SGMS1: variants seen among roughly 807,000 people sequenced by gnomAD.
SGMS1 encodes the protein phosphatidylcholine:ceramide cholinephosphotransferase 1.
SGMS1 carries 13 observed loss-of-function variants against 46.2 expected under a neutral mutation model. The ratio of observed to expected loss-of-function variants is 0.28; its 90% CI spans 0.18 to 0.45. SGMS1 has a LOEUF of 0.45. Among genes scored for constraint, SGMS1 ranks in the 20% least tolerant of loss-of-function variants. The pLI is 1.00. For missense variants in SGMS1, 324 were observed against 519.9 expected (o/e 0.62, Z 3.66); for synonymous variants, 203 against 187.8 (o/e 1.08, Z -0.66).
At chr10:50,323,752 T>G (rs551198800) in intron 8 of SGMS1, among the ~76,000 whole-genome samples, 10 of 152,198 alleles carry the variant, frequency 6.6e-5, no homozygotes, top group African/African-American at 9.7e-5. Flanking sequence ...CTTTCCCTAT[T>G]CTCATTCCCT....
At chr10:50,346,774 C>G (rs1402787720) in intron 6 of SGMS1, among the ~76,000 whole-genome samples, 1 of 152,038 alleles carries the variant, frequency 6.6e-6, no homozygotes, top group African/African-American at 2.4e-5. Flanking sequence ...AATCATGGCT[C>G]ACTGCAATCT....
chr10:50,605,194 T>C (rs757570839), intron 1 of SGMS1, among the ~76,000 whole-genome samples: 42 of 152,198 alleles, frequency 2.8e-4, no homozygotes, highest in Non-Finnish European at 5.4e-4. Context: ...ATATTCTCCA[T>C]TGGGCCTCCC....
chr10:50,500,102 A>C (rs7079881), intron 3 of SGMS1, among the ~76,000 whole-genome samples: 53,366 of 152,082 alleles, frequency 0.35, 9,526 homozygotes, highest in Admixed American at 0.42. Context: ...CGGGAGGTGG[A>C]GGTTGCAGTG....
At chr10:50,463,375 T>G (rs1258751882) in intron 4 of SGMS1, among the ~76,000 whole-genome samples, 1 of 152,192 alleles carries the variant, frequency 6.6e-6, no homozygotes, top group Non-Finnish European at 1.5e-5. Context: ...TGGACATTTC[T>G]CCAAAGAAGA....
At chr10:50,407,712 T>C (rs1849036312) in intron 6 of SGMS1, among the ~76,000 whole-genome samples, 1 of 151,020 alleles carries the variant, frequency 6.6e-6, no homozygotes, top group Admixed American at 6.6e-5. Flanking sequence ...ATGCTAAAGA[T>C]TCACTGTGTC....
At chr10:50,537,748 C>T (rs565965815) in intron 2 of SGMS1, among the ~76,000 whole-genome samples, 12 of 152,000 alleles carry the variant, frequency 7.9e-5, no homozygotes, top group Admixed American at 2.0e-4. Flanking sequence ...GGAACAGTAG[C>T]TGCTTAGGAT....
chr10:50,459,413 T>G (rs1837236441), intron 5 of SGMS1, among the ~76,000 whole-genome samples: 1 of 151,476 alleles, frequency 6.6e-6, no homozygotes, highest in Non-Finnish European at 1.5e-5. Context: ...GAATAAGAAT[T>G]TTTTTTTTAG....
intron 6 of SGMS1, among the ~76,000 whole-genome samples, chr10:50,380,540 T>C (rs1247747558): frequency 6.6e-6 from 1 of 152,060 alleles, no homozygotes; most frequent in Non-Finnish European, 1.5e-5. Context: ...TTCCCCCAGG[T>C]CCTCAAGTTC....
chr10:50,574,961 GTGTATATATATA>G (rs1180779524), intron 2 of SGMS1, among the ~76,000 whole-genome samples: 2 of 45,294 alleles, frequency 4.4e-5, no homozygotes, highest in Non-Finnish European at 8.8e-5. Flanking sequence ...GGAAAATGTG[GTGTATATATATA>G]TATATATATA....
At chr10:50,482,396 C>A (rs1231077939) in intron 3 of SGMS1, among the ~76,000 whole-genome samples, 1 of 152,082 alleles carries the variant, frequency 6.6e-6, no homozygotes, top group Non-Finnish European at 1.5e-5. Context: ...AATTTCCAAC[C>A]CAGAATTTCA....
At chr10:50,395,688 T>C (rs1419400854) in intron 6 of SGMS1, among the ~76,000 whole-genome samples, 1 of 152,156 alleles carries the variant, frequency 6.6e-6, no homozygotes, top group Non-Finnish European at 1.5e-5. Flanking sequence ...AAATTAGAGG[T>C]GGTTGAGACA....
chr10:50,532,387 T>C (rs941384272), intron 2 of SGMS1, among the ~76,000 whole-genome samples: 2 of 152,114 alleles, frequency 1.3e-5, no homozygotes, highest in Non-Finnish European at 2.9e-5. Flanking sequence ...TAAATAATTA[T>C]CTTACTTGTT....
At chr10:50,570,731 T>C (rs1280727453) in intron 2 of SGMS1, among the ~76,000 whole-genome samples, 1 of 152,138 alleles carries the variant, frequency 6.6e-6, no homozygotes, top group Non-Finnish European at 1.5e-5. Context: ...GCCCAGGACT[T>C]TGAGACCAGC....
At chr10:50,491,862 C>A (rs1411079183) in intron 3 of SGMS1, among the ~76,000 whole-genome samples, 1 of 151,938 alleles carries the variant, frequency 6.6e-6, no homozygotes, top group Non-Finnish European at 1.5e-5. Flanking sequence ...AGAGATAAAA[C>A]AAAAAAGAAA....
At chr10:50,494,391 G>T (rs939487216) in intron 3 of SGMS1, among the ~76,000 whole-genome samples, 3 of 152,216 alleles carry the variant, frequency 2.0e-5, no homozygotes, top group Non-Finnish European at 4.4e-5. Flanking sequence ...ATGCCCATCA[G>T]TGGTAGACTG....
rs67951872 is a variant in SGMS1, at chr10:50,365,255, C to CAAAAAAAAAAAAAAAAAAAAAAAAAAAA, written c.-231-20911_-231-20910insTTTTTTTTTTTTTTTTTTTTTTTTTTTT. On this transcript the variant is annotated intron_variant, in intron 6 of 10. Coordinates refer to ENST00000361781, the MANE Select transcript of SGMS1 (RefSeq NM_147156.4). ...GCGACGGAGTGAGACTCCATCTCAC[C>CAAAAAAAAAAAAAAAAAAAAAAAAAAAA]AAAAAAAAAAAAAAAAAAAAAAAGC... Among the ~76,000 whole-genome samples, 94 of 45,024 alleles carry CAAAAAAAAAAAAAAAAAAAAAAAAAAAA rather than the reference C, an allele frequency of 2.1e-3. 7 individuals are homozygous for CAAAAAAAAAAAAAAAAAAAAAAAAAAAA. The highest frequency in any genetic ancestry group is 3.3e-3 in the Non-Finnish European group (77 of 23,370). The allele number at this position is 45,024 out of a possible 152,430, so 29.5% of individuals were successfully genotyped here.
intron 8 of SGMS1, among the ~76,000 whole-genome samples, chr10:50,319,266 A>C (rs1201863406): frequency 6.6e-6 from 1 of 152,040 alleles, no homozygotes; most frequent in Non-Finnish European, 1.5e-5. Context: ...TTGGCTCATT[A>C]ATTATCAAGA....
intron 5 of SGMS1, among the ~76,000 whole-genome samples, chr10:50,457,749 T>C (rs1001309909): frequency 1.3e-5 from 2 of 152,206 alleles, no homozygotes; most frequent in Non-Finnish European, 2.9e-5. Flanking sequence ...ATGATTTCAT[T>C]CTTTTTTATG....
chr10:50,388,951 A>G (rs1261626005), intron 6 of SGMS1, among the ~76,000 whole-genome samples: 5 of 152,178 alleles, frequency 3.3e-5, no homozygotes, highest in Non-Finnish European at 5.9e-5. Flanking sequence ...TAGGTAATAA[A>G]ATCATACTGT....
Sources: gnomAD v4.1 joint callset for allele counts (sites outside exome capture counted in the v4.1 genomes callset) on GRCh38, gnomAD v4.1.1 for gene constraint, MANE v1.5 for transcripts, NCBI Gene and HGNC (gene_info 2026-07-23, HGNC 2026-07-21) for gene names.